The following CDIN1 variants were observed in gnomAD, a reference collection of about 807,000 sequenced individuals.
CDIN1 encodes CDAN1-interacting nuclease 1.
Under a neutral mutation model 45.3 loss-of-function variants are expected in CDIN1, and 33 were observed. That is an observed-to-expected ratio of 0.73 (90% CI 0.55 to 0.97). CDIN1 has a LOEUF of 0.97. Among genes scored for constraint, CDIN1 ranks in the 50% least tolerant of loss-of-function variants. The pLI is 0.00. For missense variants in CDIN1, 303 were observed against 339.4 expected (o/e 0.89, Z 0.84); for synonymous variants, 118 against 124.4 (o/e 0.95, Z 0.34).
chr15:36,741,458 C>CTTT (rs541497919), intron 10 of CDIN1, among the ~76,000 whole-genome samples: 20 of 130,552 alleles, frequency 1.5e-4, no homozygotes, highest in African/African-American at 5.0e-4. Flanking sequence ...ATTTGAAAAG[C>CTTT]TTTTTTTTTT....
intron 1 of CDIN1, among the ~76,000 whole-genome samples, chr15:36,621,630 G>T (rs2039196111): frequency 6.6e-6 from 1 of 152,110 alleles, no homozygotes; most frequent in African/African-American, 2.4e-5. Flanking sequence ...GCTTATTTTG[G>T]TTTACTAAGA....
chr15:36,709,000 C>T (rs868449646), intron 8 of CDIN1: 144 of 375,844 alleles, frequency 3.8e-4, no homozygotes, highest in African/African-American at 2.5e-3. Flanking sequence ...TTTATAATAA[C>T]GAAAACATGC....
intron 5 of CDIN1, among the ~76,000 whole-genome samples, chr15:36,687,444 G>T (rs938293740): frequency 1.3e-5 from 2 of 152,150 alleles, no homozygotes; most frequent in South Asian, 4.1e-4. Flanking sequence ...AGTTATGTGA[G>T]GGAGGCAGAT....
chr15:36,747,305 T>C (rs963995193), intron 10 of CDIN1: 1 of 267,402 alleles, frequency 3.7e-6, no homozygotes, highest in African/African-American at 2.2e-5. Context: ...CCAAGTAAAT[T>C]TATTTTTAAA....
chr15:36,623,370 A>G (rs1250595707), intron 1 of CDIN1, among the ~76,000 whole-genome samples: 1 of 152,190 alleles, frequency 6.6e-6, no homozygotes, highest in African/African-American at 2.4e-5. Context: ...TTTTAAACAT[A>G]CTGTCAATAT....
chr15:36,614,705 T>C (rs900645427), intron 1 of CDIN1, among the ~76,000 whole-genome samples: 17 of 152,330 alleles, frequency 1.1e-4, no homozygotes, highest in African/African-American at 3.6e-4. Flanking sequence ...GAAGCCTCAT[T>C]GCTGTCTACA....
At chr15:36,638,969 C>G (rs1055475235) in intron 1 of CDIN1, among the ~76,000 whole-genome samples, 10 of 152,320 alleles carry the variant, frequency 6.6e-5, no homozygotes, top group African/African-American at 2.4e-4. Context: ...TTTTGATTCC[C>G]AGGTCTACTG....
intron 10 of CDIN1, among the ~76,000 whole-genome samples, chr15:36,776,446 G>A (rs1322356364): frequency 4.6e-5 from 7 of 152,308 alleles, no homozygotes; most frequent in Admixed American, 4.6e-4. Context: ...CTGGCCTCTT[G>A]AAACTAACTT....
rs2042468267 is a variant in CDIN1, at chr15:36,697,348, C to A, written c.502C>A (p.Leu168Met). Residue 168 changes from leucine (L) to methionine (M), a missense_variant, in exon 8 of 11, where the codon CTG becomes ATG. Transcript: ENST00000566621. ...TGCCATTGGTCATGAGCATGAGGTC[C>A]TGCTGAGAGACTTGCTTCTAGAGAA... ...KHAIGHEHEV[L>M]LRDLLLEKNL... is the part of the protein sequence containing the mutation. 1 of 1,612,586 alleles carries A rather than the reference C, an allele frequency of 6.2e-7. No homozygotes were observed. Among genetic ancestry groups the A allele is most frequent in the African/African-American group, 1.3e-5 (1 of 74,878 alleles).
chr15:36,778,383 T>C (rs60321680), intron 10 of CDIN1, among the ~76,000 whole-genome samples: 1 of 152,144 alleles, frequency 6.6e-6, no homozygotes, highest in Non-Finnish European at 1.5e-5. Context: ...TATGGGTACT[T>C]ATCATTTTAC....
At chr15:36,716,705 G>A (rs1160179066) in intron 10 of CDIN1, among the ~76,000 whole-genome samples, 1 of 152,122 alleles carries the variant, frequency 6.6e-6, no homozygotes, top group East Asian at 1.9e-4. Context: ...ATCTAACATT[G>A]AAGTCAGACT....
At chr15:36,703,394 T>TA (rs2042739688) in intron 8 of CDIN1, among the ~76,000 whole-genome samples, 2 of 18,732 alleles carry the variant, frequency 1.1e-4, no homozygotes, top group Admixed American at 1.7e-3. Context: ...ATCAGATATA[T>TA]ATATATATGA....
chr15:36,720,269 TTTATTTA>T (rs2043363700), intron 10 of CDIN1, among the ~76,000 whole-genome samples: 2 of 148,996 alleles, frequency 1.3e-5, no homozygotes, highest in South Asian at 2.1e-4. Flanking sequence ...TATTTATTTA[TTTATTTA>T]TTATTATTTT....
At position 36,579,858 on chromosome 15, in the gene CDIN1, A is replaced by G. The variant is rs1340811982; in HGVS notation, c.-3A>G. The G allele has an allele frequency of 4.3e-6, 7 of 1,612,392 alleles. No homozygotes were observed. The highest frequency in any genetic ancestry group is 5.9e-6 in the Non-Finnish European group (7 of 1,179,186). On this transcript the variant is annotated 5_prime_UTR_variant, in exon 1 of 11. Coordinates refer to ENST00000566621, the MANE Select transcript of CDIN1 (RefSeq NM_001321759.2). The stretch of plus-strand genomic sequence containing the variant: ...CCCGCCACCTCCTGGTCCCTGGCCC[A>G]ACATGATACTGACCAAAGCTCAGTA...
intron 10 of CDIN1, among the ~76,000 whole-genome samples, chr15:36,777,498 T>C (rs1327024992): frequency 1.3e-5 from 2 of 152,152 alleles, no homozygotes; most frequent in African/African-American, 4.8e-5. Flanking sequence ...ACATTCTAGC[T>C]GTCAAGGCCA....
chr15:36,749,206 T>C (rs957719455), intron 10 of CDIN1, among the ~76,000 whole-genome samples: 1 of 152,250 alleles, frequency 6.6e-6, no homozygotes, highest in African/African-American at 2.4e-5. Flanking sequence ...CTTGGATTTC[T>C]GTTCTTAATT....
intron 5 of CDIN1, among the ~76,000 whole-genome samples, chr15:36,665,514 A>G (rs2041213850): frequency 6.6e-6 from 1 of 152,224 alleles, no homozygotes. Context: ...GAAAATTTAA[A>G]TATATGAAAA....
intron 10 of CDIN1, among the ~76,000 whole-genome samples, chr15:36,774,243 G>T (rs943760613): frequency 6.6e-6 from 1 of 151,240 alleles, no homozygotes; most frequent in African/African-American, 2.4e-5. Flanking sequence ...TTAGATGAAG[G>T]GTCACTAGTC....
intron 4 of CDIN1, among the ~76,000 whole-genome samples, chr15:36,654,974 G>A (rs144505632): frequency 6.6e-5 from 10 of 152,302 alleles, no homozygotes; most frequent in Admixed American, 2.6e-4. Flanking sequence ...CTGTTTTTGC[G>A]TTGCATTATA....
Sources: gnomAD v4.1 joint callset for allele counts (sites outside exome capture counted in the v4.1 genomes callset) on GRCh38, gnomAD v4.1.1 for gene constraint, MANE v1.5 for transcripts, NCBI Gene and HGNC (gene_info 2026-07-23, HGNC 2026-07-21) for gene names.